The following ADAT3 variants were observed in gnomAD, a reference collection of about 807,000 sequenced individuals.
ADAT3 encodes adenosine deaminase tRNA specific 3, also known as tRNA-specific adenosine-34 deaminase regulatory subunit ADAT3.
In ADAT3, 2 loss-of-function variants were observed where a neutral mutation model predicts 3.5. The ratio of observed to expected loss-of-function variants is 0.57; its 90% CI spans 0.23 to 1.79. The LOEUF (loss-of-function observed/expected upper bound fraction) is 1.79, where lower values mean the gene tolerates loss of function less well. Ranked by LOEUF, ADAT3 falls within the 40% of genes most tolerant of loss-of-function variation. ADAT3 has a pLI of 0.18. For synonymous variants in ADAT3, 358 were observed against 270.3 expected, an observed-to-expected ratio of 1.32 and a Z score of -3.18; for missense variants, 735 against 571.4, an observed-to-expected ratio of 1.29 and a Z score of -2.92.
chr19:1,912,221 G>A lies in ADAT3; in HGVS notation c.174G>A (p.Leu58=). ...AGAAGCAGTCAGGGGACGTGGAGCTGGTGCTGGCCTACGCCGCGCCCGTCC... is the reference window on the plus strand; with the variant it reads ...AGAAGCAGTCAGGGGACGTGGAGCTAGTGCTGGCCTACGCCGCGCCCGTCC... ...LSEKQSGDVE[L]VLAYAAPVLD... The change falls in exon 2 of 2, where the codon CTG becomes CTA. Residue 58 remains leucine, a synonymous_variant. Transcript: ENST00000329478. The A allele has an allele frequency of 6.3e-7, 1 of 1,594,718 alleles. No homozygotes were observed. The highest frequency in any genetic ancestry group is 1.1e-5 in the South Asian group (1 of 88,598).
rs958047085 is a variant in ADAT3, at chr19:1,912,028, C to G, written c.-20C>G. The G allele has an allele frequency of 9.2e-6, 13 of 1,416,482 alleles. No homozygotes were observed. The highest frequency in any genetic ancestry group is 8.2e-5 in the East Asian group (3 of 36,390). 87.7% of individuals were successfully genotyped at this position (1,416,482 alleles called of 1,614,324 possible). ...CGGGACGGACTCCCCGGCTCTCCCC[C>G]AGCCGCCCGCAGCCGCCGGATGATC... On this transcript the variant is annotated 5_prime_UTR_variant, in exon 2 of 2. Transcript: ENST00000329478.
In ADAT3 at chr19:1,912,061, C is replaced by G; in HGVS notation, c.14C>G (p.Ser5Cys). Residue 5 changes from serine to cysteine, a missense_variant, in exon 2 of 2, where the codon TCC becomes TGC. Physicochemically the swap from Ser to Cys is moderately radical, Grantham distance 112. Coordinates refer to ENST00000329478, the MANE Select transcript of ADAT3 (RefSeq NM_138422.4). ...CGCAGCCGCCGGATGATCCTCTGCTCCCGTCTCTGTCTCCCACAGTCGGCC... is the reference window on the plus strand; with the variant it reads ...CGCAGCCGCCGGATGATCCTCTGCTGCCGTCTCTGTCTCCCACAGTCGGCC... MILC[S>C]RLCLPQSASL... 7.0e-7 allele frequency: 1 copy of G among 1,433,984 alleles called. No individual in the cohort carries two copies. Among genetic ancestry groups the G allele is most frequent in the South Asian group, 1.5e-5 (1 of 68,436 alleles). The allele number at this position is 1,433,984 out of a possible 1,614,324, so 88.8% of individuals were successfully genotyped here. A position where few individuals can be genotyped will look rare whatever the true frequency, so the allele number is the denominator to read the frequency against.
rs1428853667 is a variant in ADAT3, at chr19:1,912,170, G to A, written c.123G>A (p.Pro41=). The change falls in exon 2 of 2, where the codon CCG becomes CCA. Residue 41 remains proline, a synonymous_variant. Coordinates refer to ENST00000329478, the MANE Select transcript of ADAT3 (RefSeq NM_138422.4). ...EAGSPEPEPA[P]WQALPVLSEK... is the part of the protein sequence containing the mutation. ...GGAGCCCGGAGCCTGAGCCGGCGCC[G>A]TGGCAGGCCCTCCCTGTCCTGTCCG... The A allele has an allele frequency of 6.3e-7, 1 of 1,575,662 alleles. No homozygotes were observed. The highest frequency in any genetic ancestry group is 2.3e-5 in the East Asian group (1 of 43,268).
At position 1,912,885 on chromosome 19, in the gene ADAT3, G is replaced by T. The variant is rs1042490391; in HGVS notation, c.838G>T (p.Ala280Ser). 9 of 1,605,618 alleles carry T rather than the reference G, an allele frequency of 5.6e-6. No homozygotes were observed. Among genetic ancestry groups the T allele is most frequent in the Non-Finnish European group, 6.8e-6 (8 of 1,179,012 alleles). The change falls in exon 2 of 2, where the codon GCC (alanine) becomes TCC (serine). Residue 280 changes from alanine (A) to serine (S), a missense_variant. By Grantham distance (99) the Ala-to-Ser change is moderately conservative. Coordinates refer to ENST00000329478, the MANE Select transcript of ADAT3 (RefSeq NM_138422.4). ...TGCCCCCCAGGCCGTCCGCGCAGGC[G>T]CCGTGCGTAAACTGGACGCAGACGA... ...AAAPQAVRAG[A>S]VRKLDADEDG...
rs999756386 is a variant in ADAT3 at position 1,913,437 on chromosome 19, C to A, written c.*286C>A. ...ACTGCTCTGATGGGAAAATAAACAG[C>A]CCAAAACCAAGTGGGTGTCTGTTAG... On this transcript the variant is annotated 3_prime_UTR_variant, in exon 2 of 2. Coordinates refer to ENST00000329478, the MANE Select transcript of ADAT3 (RefSeq NM_138422.4). The A allele has an allele frequency of 2.0e-5, 11 of 544,858 alleles. No homozygotes were observed. Among genetic ancestry groups the A allele is most frequent in the Admixed American group, 3.5e-5 (1 of 28,422 alleles). The allele number at this position is 544,858 out of a possible 1,614,324, so 33.8% of individuals were successfully genotyped here. A position where few individuals can be genotyped will look rare whatever the true frequency, so the allele number is the denominator to read the frequency against.
At position 1,908,996 on chromosome 19, in the gene ADAT3, TA is replaced by T. The variant is rs2013289890; in HGVS notation, c.-158-2893del. On this transcript the variant is annotated intron_variant, in intron 1 of 1. Transcript: ENST00000329478. This position sits in a 1 kb window ranked among gnomAD's most constrained non-coding sequence, Gnocchi z 4.2. ...GGCATGTGCCTGTATTCCCAGCTAC[TA>T]GGGGGGCTGAGGCAGGAGAATCGCT... Among the ~76,000 whole-genome samples the T allele has an allele frequency of 2.0e-5, 3 of 151,822 alleles. No homozygotes were observed. Among genetic ancestry groups the T allele is most frequent in the Non-Finnish European group, 4.4e-5 (3 of 67,982 alleles).
Position 1,913,431 on chromosome 19 carries a change from AAAC to A in ADAT3, c.*282_*284del. 1 of 549,530 alleles carries A rather than the reference AAAC, an allele frequency of 1.8e-6. No individual in the cohort carries two copies. The highest frequency in any genetic ancestry group is 3.3e-6 in the Non-Finnish European group (1 of 302,412). The allele number at this position is 549,530 out of a possible 1,614,324, so 34.0% of individuals were successfully genotyped here. ...CGGGAAACTGCTCTGATGGGAAAAT[AAAC>A]AGCCCAAAACCAAGTGGGTGTCTGT... On this transcript the variant is annotated 3_prime_UTR_variant, in exon 2 of 2. Coordinates refer to ENST00000329478, the MANE Select transcript of ADAT3 (RefSeq NM_138422.4).
rs2013287238 is a variant in ADAT3, at chr19:1,908,953, A to C, written c.-158-2937A>C. ...AACCCCGTCTCTACTGAAAATACAA[A>C]AATTAGCCGGGCGTGGTGGCATGTG... On this transcript the variant is annotated intron_variant, in intron 1 of 1. Transcript: ENST00000329478. The surrounding 1 kb of genome is among the most constrained non-coding windows in gnomAD (Gnocchi z 4.2). 6.6e-6 allele frequency among the ~76,000 whole-genome samples: 1 copy of C among 152,082 alleles called. No individual in the cohort carries two copies. The highest frequency in any genetic ancestry group is 6.6e-5 in the Admixed American group (1 of 15,254).
intron 1 of ADAT3, chr19:1,906,244 C>T (rs1041430959): frequency 2.0e-5 from 3 of 152,224 alleles, no homozygotes; most frequent in Admixed American, 6.6e-5. Flanking sequence ...CCTGTAAAAC[C>T]AGCTACTGGG....
chr19:1,909,965 T>C (rs893565474), intron 1 of ADAT3, among the ~76,000 whole-genome samples: 2 of 152,230 alleles, frequency 1.3e-5, no homozygotes, highest in African/African-American at 4.8e-5. Context: ...GGCGAGTGTT[T>C]ACAGAAACCA....
Position 1,912,244 on chromosome 19 carries a change from T to C in ADAT3, c.197T>C (p.Val66Ala), listed in dbSNP as rs375035545. ...CTGGTGCTGGCCTACGCCGCGCCCG[T>C]CCTGGACAAGCGCCAGACCTCACGC... ...VELVLAYAAP[V>A]LDKRQTSRLL... is the part of the protein sequence containing the mutation. The change falls in exon 2 of 2, where the codon GTC becomes GCC. Residue 66 changes from valine (V) to alanine (A), a missense_variant. Physicochemically the swap from Val to Ala is moderately conservative, Grantham distance 64. Transcript: ENST00000329478. The C allele has an allele frequency of 1.3e-6, 2 of 1,597,284 alleles. No homozygotes were observed. Among genetic ancestry groups the C allele is most frequent in the African/African-American group, 2.7e-5 (2 of 74,378 alleles).
rs1301304252 is a variant in ADAT3 at position 1,912,015 on chromosome 19, C to T, written c.-33C>T. ...AGCCACGGCCTCCCGGGACGGACTC[C>T]CCGGCTCTCCCCCAGCCGCCCGCAG... On this transcript the variant is annotated 5_prime_UTR_variant, in exon 2 of 2. Coordinates refer to ENST00000329478, the MANE Select transcript of ADAT3 (RefSeq NM_138422.4). 7.0e-7 allele frequency: 1 copy of T among 1,419,540 alleles called. No individual in the cohort carries two copies. Among genetic ancestry groups the T allele is most frequent in the African/African-American group, 1.5e-5 (1 of 67,268 alleles). The allele number at this position is 1,419,540 out of a possible 1,614,324, so 87.9% of individuals were successfully genotyped here.
Position 1,912,873 on chromosome 19 carries a change from G to A in ADAT3, c.826G>A (p.Val276Ile), listed in dbSNP as rs764986612. ...SFAPAAAPQAVRAGAVRKLDA... is the reference protein window; with the variant it reads ...SFAPAAAPQAIRAGAVRKLDA... Reference sequence around the variant, plus strand: ...CGCCCCGGCCGCTGCCCCCCAGGCCGTCCGCGCAGGCGCCGTGCGTAAACT... The same window carrying A: ...CGCCCCGGCCGCTGCCCCCCAGGCCATCCGCGCAGGCGCCGTGCGTAAACT... Residue 276 changes from valine (V) to isoleucine (I), a missense_variant, in exon 2 of 2, where the codon GTC becomes ATC. Coordinates refer to ENST00000329478, the MANE Select transcript of ADAT3 (RefSeq NM_138422.4). 21 of 1,601,802 alleles carry A rather than the reference G, an allele frequency of 1.3e-5. No homozygotes were observed. Among genetic ancestry groups the A allele is most frequent in the Middle Eastern group, 3.3e-4 (2 of 6,068 alleles).
chr19:1,913,394 T>C lies in ADAT3; in HGVS notation c.*243T>C, dbSNP rs553723276. On this transcript the variant is annotated 3_prime_UTR_variant, in exon 2 of 2. Transcript: ENST00000329478. ...GCCCTTGCTGCGTTTGTGTCCCCTC[T>C]GTCTCGCGGGCCGGGAAACTGCTCT... is the stretch of plus-strand genomic sequence containing the variant. 12 of 609,854 alleles carry C rather than the reference T, an allele frequency of 2.0e-5. 1 individual carries two copies. The East Asian group carries it at 3.0e-4, about 15-fold the overall frequency. 37.8% of individuals were successfully genotyped at this position (609,854 alleles called of 1,614,324 possible). A position where few individuals can be genotyped will look rare whatever the true frequency, so the allele number is the denominator to read the frequency against.
In ADAT3 at chr19:1,908,874, C is replaced by T. The variant is rs1420615894; in HGVS notation, c.-158-3016C>T. On this transcript the variant is annotated intron_variant, in intron 1 of 1. Transcript: ENST00000329478. This position sits in a 1 kb window ranked among gnomAD's most constrained non-coding sequence, Gnocchi z 4.2. ...ATCCCAGCACTTTGGGAGGCTGAGG[C>T]AGGTGGATCACCTGAGGTCAGGAGT... 6.6e-6 allele frequency among the ~76,000 whole-genome samples: 1 copy of T among 151,134 alleles called. No homozygotes were observed. The highest frequency in any genetic ancestry group is 2.4e-5 in the African/African-American group (1 of 41,006).
rs779532888 is a variant in ADAT3 at position 1,912,398 on chromosome 19, G to A, written c.351G>A (p.Ser117=). The change falls in exon 2 of 2, where the codon TCG becomes TCA. Residue 117 remains serine (S), a synonymous_variant. Transcript: ENST00000329478. The part of the protein sequence containing the change: ...EMLLCLAGPA[S]GPRSLAELLP... The stretch of plus-strand genomic sequence containing the variant: ...TGCTTTGCCTGGCTGGGCCGGCCTC[G>A]GGCCCGCGCTCGCTGGCTGAGCTCC... The A allele has an allele frequency of 1.5e-4, 227 of 1,515,734 alleles. 2 individuals carry two copies. The African/African-American group carries it at 2.8e-3, about 19-fold the overall frequency. The allele number at this position is 1,515,734 out of a possible 1,614,324, so 93.9% of individuals were successfully genotyped here. A position where few individuals can be genotyped will look rare whatever the true frequency, so the allele number is the denominator to read the frequency against.
rs894481495 is a variant in ADAT3, at chr19:1,912,827, A to G, written c.780A>G (p.Arg260=). ...AGGGCCGCGGCACCTACGACTTCAGACCCTTCCCCGCCTGCTCCTTCGCCC... is the reference window on the plus strand; with the variant it reads ...AGGGCCGCGGCACCTACGACTTCAGGCCCTTCCCCGCCTGCTCCTTCGCCC... ...RGQGRGTYDF[R]PFPACSFAPA... is the part of the protein sequence containing the mutation. Residue 260 remains arginine, a synonymous_variant, in exon 2 of 2, where the codon AGA becomes AGG. Coordinates refer to ENST00000329478, the MANE Select transcript of ADAT3 (RefSeq NM_138422.4). 4.4e-6 allele frequency: 7 copies of G among 1,590,600 alleles called. No individual in the cohort carries two copies. The highest frequency in any genetic ancestry group is 1.7e-4 in the Middle Eastern group (1 of 6,024).
In ADAT3 at chr19:1,908,689, G is replaced by A. The variant is rs995316469; in HGVS notation, c.-158-3201G>A. 3.1e-5 allele frequency: 13 copies of A among 422,524 alleles called. No homozygotes were observed. Among genetic ancestry groups the A allele is most frequent in the Admixed American group, 1.9e-4 (7 of 37,124 alleles). The allele number at this position is 422,524 out of a possible 1,614,324, so 26.2% of individuals were successfully genotyped here. On this transcript the variant is annotated intron_variant, in intron 1 of 1. Coordinates refer to ENST00000329478, the MANE Select transcript of ADAT3 (RefSeq NM_138422.4). The surrounding 1 kb of genome is among the most constrained non-coding windows in gnomAD (Gnocchi z 4.2). ...ATTTATTTATTTGAAAAAAGGAACAGGGTCTCTCTATCTTGCCCACGTTGG... is the reference window on the plus strand; with the variant it reads ...ATTTATTTATTTGAAAAAAGGAACAAGGTCTCTCTATCTTGCCCACGTTGG...
chr19:1,910,361 T>C (rs7248579), intron 1 of ADAT3, among the ~76,000 whole-genome samples: 25,784 of 152,112 alleles, frequency 0.17, 2,510 homozygotes, highest in East Asian at 0.26. Context: ...GCGCCGCCTG[T>C]CCCCGCTTCT....
Sources: allele counts gnomAD v4.1 joint callset (sites outside exome capture counted in the v4.1 genomes callset), GRCh38; gene constraint gnomAD v4.1.1; non-coding constraint Gnocchi (gnomAD v3.1); transcripts MANE v1.5; gene names NCBI Gene and HGNC (gene_info 2026-07-23, HGNC 2026-07-21).